The following SLC36A2 variants were observed in gnomAD, a reference collection of about 807,000 sequenced individuals.
SLC36A2 encodes proton-coupled amino acid transporter 2.
In SLC36A2, 39 loss-of-function variants were observed where a neutral mutation model predicts 42.7. The ratio of observed to expected loss-of-function variants is 0.91; its 90% CI spans 0.71 to 1.19. The LOEUF (loss-of-function observed/expected upper bound fraction) is 1.19, where lower values mean the gene tolerates loss of function less well. SLC36A2 is among the 50% of genes most tolerant of loss of function. The pLI, the probability that SLC36A2 is intolerant of heterozygous loss-of-function variation, is 0.00. For missense variants in SLC36A2, 590 were observed against 613.7 expected (o/e 0.96, Z 0.41); for synonymous variants, 237 against 240.8 (o/e 0.98, Z 0.15).
chr5:151,330,710 G>C (rs955702989), intron 7 of SLC36A2, among the ~76,000 whole-genome samples: 1 of 152,176 alleles, frequency 6.6e-6, no homozygotes, highest in Non-Finnish European at 1.5e-5. Context: ...AAGCAAAGAT[G>C]ATAACATTGT....
rs754779679 is a variant in SLC36A2, at chr5:151,335,541, C to T, written c.532G>A (p.Glu178Lys). The change falls in exon 6 of 10, where the codon GAA becomes AAA. Residue 178 changes from glutamate to lysine, a missense_variant. Physicochemically the swap from Glu to Lys is moderately conservative, Grantham distance 56. Coordinates refer to ENST00000335244, the MANE Select transcript of SLC36A2 (RefSeq NM_181776.3). ...TTGTTGGTTGTGCTATTAACAGCTT[C>T]CACTACCTGAGGAAGGAATGGGAGA... ...FLADNLKQVV[E>K]AVNSTTNNCY... 1.2e-6 allele frequency: 2 copies of T among 1,613,002 alleles called. No homozygotes were observed. The highest frequency in any genetic ancestry group is 1.7e-6 in the Non-Finnish European group (2 of 1,179,024).
intron 8 of SLC36A2, 72 bp from the exon 9 acceptor site, chr5:151,322,287 C>T: frequency 1.3e-6 from 2 of 1,557,150 alleles, no homozygotes; most frequent in Non-Finnish European, 1.8e-6. Flanking sequence ...GAACATTAAC[C>T]TCTGACCTTG....
chr5:151,343,680 G>T lies in SLC36A2; in HGVS notation c.256-82C>A. On this transcript the variant is annotated intron_variant, in intron 2 of 9. Transcript: ENST00000335244. ...AATACTGCAAGATGGGCTTGGTAGT[G>T]CTGATATCATGCAGAACTCAAAGAA... 2.4e-6 allele frequency: 3 copies of T among 1,270,982 alleles called. No homozygotes were observed. The South Asian group carries it at 3.6e-5, about 15-fold the overall frequency. The allele number at this position is 1,270,982 out of a possible 1,614,324, so 78.7% of individuals were successfully genotyped here.
At chr5:151,325,172 T>C in intron 8 of SLC36A2, 114 bp downstream of exon 8, 1 of 1,266,264 alleles carries the variant, frequency 7.9e-7, no homozygotes, top group East Asian at 2.5e-5. Flanking sequence ...ATTCTGCTTC[T>C]TCTGTGGGAG....
intron 8 of SLC36A2, among the ~76,000 whole-genome samples, chr5:151,323,799 T>C (rs1561652173): frequency 6.6e-6 from 1 of 152,236 alleles, no homozygotes; most frequent in African/African-American, 2.4e-5. Flanking sequence ...GCGAAGATAG[T>C]GAACCTCCAA....
At chr5:151,346,019 A>G (rs1161796854) in intron 1 of SLC36A2, among the ~76,000 whole-genome samples, 1 of 152,060 alleles carries the variant, frequency 6.6e-6, no homozygotes, top group Non-Finnish European at 1.5e-5. Context: ...GGGTGAGCCA[A>G]CCCCATCGTT....
rs1332689822 is a variant in SLC36A2 at position 151,333,338 on chromosome 5, ATGCT to A, written c.745-20_745-17del. 32 of 1,605,512 alleles carry A rather than the reference ATGCT, an allele frequency of 2.0e-5. No homozygotes were observed. Among genetic ancestry groups the A allele is most frequent in the Non-Finnish European group, 2.5e-5 (29 of 1,172,204 alleles). Reference sequence around the variant, plus strand: ...CTGGGATTTCCTAAAGAAGAAAGAAATGCTATGAGACAGTCACTCTTAAAGCACA... The same window carrying A: ...CTGGGATTTCCTAAAGAAGAAAGAAAATGAGACAGTCACTCTTAAAGCACA... On this transcript the variant is annotated splice_polypyrimidine_tract_variant and intron_variant, in intron 6 of 9. Coordinates refer to ENST00000335244, the MANE Select transcript of SLC36A2 (RefSeq NM_181776.3).
At chr5:151,343,036 A>G in intron 3 of SLC36A2, 53 bp from the exon 4 acceptor site, 1 of 1,437,702 alleles carries the variant, frequency 7.0e-7, no homozygotes, top group South Asian at 1.2e-5. Context: ...GCCTAAACTC[A>G]CATGGTCAAA....
chr5:151,320,630 T>A (rs1219101958), intron 9 of SLC36A2, among the ~76,000 whole-genome samples: 1 of 152,204 alleles, frequency 6.6e-6, no homozygotes, highest in Non-Finnish European at 1.5e-5. Flanking sequence ...TCATGGGGGC[T>A]GCTGTGAGCC....
intron 6 of SLC36A2, among the ~76,000 whole-genome samples, chr5:151,334,547 C>T (rs781620841): frequency 5.3e-5 from 8 of 151,980 alleles, no homozygotes; most frequent in Middle Eastern, 3.4e-3. Context: ...AAAAATTAGC[C>T]GGGTGTGGTG....
chr5:151,343,703 G>C, intron 2 of SLC36A2, 105 bp from the exon 3 acceptor site: 1 of 1,015,552 alleles, frequency 9.8e-7, no homozygotes, highest in African/African-American at 1.6e-5. Flanking sequence ...AGAACTCAAA[G>C]AACTCTCTAG....
intron 4 of SLC36A2, among the ~76,000 whole-genome samples, chr5:151,339,675 A>C (rs1335075686): frequency 6.6e-6 from 1 of 152,188 alleles, no homozygotes; most frequent in Non-Finnish European, 1.5e-5. Context: ...CAAGTGGTAA[A>C]ATTCTTCCTG....
intron 2 of SLC36A2, 89 bp from the exon 3 acceptor site, chr5:151,343,687 T>C (rs1756414133): frequency 9.9e-6 from 12 of 1,210,096 alleles, no homozygotes; most frequent in South Asian, 2.5e-5. Flanking sequence ...AGTGCTGATA[T>C]CATGCAGAAC....
chr5:151,347,246 C>A (rs751392420), intron 1 of SLC36A2, 51 bp downstream of exon 1: 4 of 1,611,414 alleles, frequency 2.5e-6, no homozygotes, highest in South Asian at 2.2e-5. Flanking sequence ...TTTGCCAATG[C>A]AAGCTTCAGG....
chr5:151,325,337 C>T lies in SLC36A2; in HGVS notation c.959G>A (p.Arg320Gln), dbSNP rs199803602. ...YIGMAALGYL[R>Q]FGDDIKASIS... ...GCTGGCCTTGATGTCATCTCCAAAC[C>T]GCAGGTAGCCCAGAGCCGCCATGCC... Residue 320 changes from arginine (R) to glutamine (Q), a missense_variant, in exon 8 of 10, where the codon CGG becomes CAG. By Grantham distance (43) the Arg-to-Gln change is conservative. Coordinates refer to ENST00000335244, the MANE Select transcript of SLC36A2 (RefSeq NM_181776.3). 9.5e-5 allele frequency: 154 copies of T among 1,613,928 alleles called. No homozygotes were observed. Among genetic ancestry groups the T allele is most frequent in the Non-Finnish European group, 1.0e-4 (119 of 1,179,952 alleles).
At chr5:151,338,536 C>T (rs928594397) in intron 5 of SLC36A2, 2 of 154,218 alleles carry the variant, frequency 1.3e-5, no homozygotes, top group Admixed American at 6.4e-5. Flanking sequence ...ATTAGCCAGA[C>T]ATGGTAGCAC....
chr5:151,321,364 A>G (rs748272092), intron 9 of SLC36A2, among the ~76,000 whole-genome samples: 39 of 140,352 alleles, frequency 2.8e-4, no homozygotes, highest in Non-Finnish European at 2.0e-4. Context: ...TTTTTTTTTA[A>G]TAGAGATGGG....
intron 4 of SLC36A2, among the ~76,000 whole-genome samples, chr5:151,340,447 A>G (rs759722321): frequency 6.6e-6 from 1 of 152,206 alleles, no homozygotes; most frequent in Non-Finnish European, 1.5e-5. Flanking sequence ...GAGTTGTAGT[A>G]GTGGATAAAG....
At chr5:151,334,827 T>G (rs1467707662) in intron 6 of SLC36A2, among the ~76,000 whole-genome samples, 1 of 151,578 alleles carries the variant, frequency 6.6e-6, no homozygotes, top group Non-Finnish European at 1.5e-5. Flanking sequence ...TTGCTTATAG[T>G]TTTTTTTTAA....
Sources: gnomAD v4.1 joint callset for allele counts (sites outside exome capture counted in the v4.1 genomes callset) on GRCh38, gnomAD v4.1.1 for gene constraint, MANE v1.5 for transcripts, NCBI Gene and HGNC (gene_info 2026-07-23, HGNC 2026-07-21) for gene names.